EDA: variants seen among roughly 807,000 people sequenced by gnomAD.
EDA encodes ectodysplasin-A.
A neutral mutation model predicts 23.6 loss-of-function variants in EDA; 2 were observed. That is an observed-to-expected ratio of 0.08 (90% CI 0.03 to 0.27). The LOEUF is 0.27. EDA is among the 10% of genes least tolerant of loss of function. EDA has a pLI of 1.00. For synonymous variants in EDA, 131 were observed against 132.0 expected (o/e 0.99, Z 0.05); for missense variants, 229 against 324.2 (o/e 0.71, Z 2.26).
chrX:69,631,368 C>T (rs1367706395), intron 1 of EDA, among the ~76,000 whole-genome samples: 3 of 92,145 alleles, frequency 3.3e-5, no homozygotes, highest in Non-Finnish European at 4.2e-5. Context: ...GGTGACAGAG[C>T]GAGACTCCGT....
chrX:69,854,766 A>G (rs1458371780), intron 1 of EDA, among the ~76,000 whole-genome samples: 1 of 112,018 alleles, frequency 8.9e-6, no homozygotes. Context: ...TGCAATGAAC[A>G]TACGCATGCA....
At chrX:69,975,833 AT>A (rs1013101068) in intron 2 of EDA, among the ~76,000 whole-genome samples, 19 of 112,019 alleles carry the variant, frequency 1.7e-4, no homozygotes, top group Admixed American at 5.7e-4. Flanking sequence ...CATAAAAAAA[AT>A]CTATTAAAAA....
chrX:69,878,695 C>T (rs1325833990), intron 1 of EDA, among the ~76,000 whole-genome samples: 3 of 100,279 alleles, frequency 3.0e-5, no homozygotes, highest in Non-Finnish European at 5.9e-5. Flanking sequence ...GGTGAAAATA[C>T]AGCCCCTCAC....
At chrX:69,848,875 T>C (rs1271121783) in intron 1 of EDA, among the ~76,000 whole-genome samples, 2 of 110,863 alleles carry the variant, frequency 1.8e-5, no homozygotes, top group Admixed American at 9.7e-5. Context: ...CATATGTGAG[T>C]CCTACTCCAT....
intron 1 of EDA, among the ~76,000 whole-genome samples, chrX:69,624,912 C>T (rs1265199653): frequency 9.1e-6 from 1 of 109,965 alleles, no homozygotes; most frequent in African/African-American, 3.3e-5. Flanking sequence ...TATAGTATTG[C>T]ATTACTTTGT....
chrX:69,881,764 G>C (rs1288887024), intron 1 of EDA, among the ~76,000 whole-genome samples: 1 of 112,115 alleles, frequency 8.9e-6, no homozygotes. Flanking sequence ...ACCCACATCT[G>C]CTCGGCTTCT....
At chrX:69,880,649 A>G (rs988484814) in intron 1 of EDA, among the ~76,000 whole-genome samples, 1 of 112,257 alleles carries the variant, frequency 8.9e-6, no homozygotes, top group Non-Finnish European at 1.9e-5. Context: ...TAGCTGAATT[A>G]TAGCATTTTG....
chrX:69,962,581 G>A (rs770001649), intron 2 of EDA, among the ~76,000 whole-genome samples: 5 of 111,026 alleles, frequency 4.5e-5, no homozygotes, highest in South Asian at 3.9e-4. Flanking sequence ...ACAGGCACCC[G>A]CCACCACACC....
intron 1 of EDA, among the ~76,000 whole-genome samples, chrX:69,770,665 G>T (rs1273081553): frequency 9.0e-6 from 1 of 111,205 alleles, no homozygotes; most frequent in Non-Finnish European, 1.9e-5. Context: ...TTTTCTCCCA[G>T]TGTGTAGCTT....
intron 1 of EDA, among the ~76,000 whole-genome samples, chrX:69,669,138 A>G (rs1454016140): frequency 9.1e-6 from 1 of 110,369 alleles, no homozygotes; most frequent in African/African-American, 3.3e-5. Flanking sequence ...AGCTTTTCCC[A>G]TTCCTTTGCT....
chrX:69,885,655 T>C (rs1490735377), intron 1 of EDA, among the ~76,000 whole-genome samples: 1 of 111,821 alleles, frequency 8.9e-6, no homozygotes, highest in Non-Finnish European at 1.9e-5. Flanking sequence ...AGCCTTGGAA[T>C]TCAGGTACAA....
intron 1 of EDA, among the ~76,000 whole-genome samples, chrX:69,712,842 G>A (rs1406268098): frequency 9.0e-6 from 1 of 111,119 alleles, no homozygotes; most frequent in East Asian, 2.8e-4. Context: ...CTGGATTAAG[G>A]AAATGTGCCA....
chrX:69,798,438 T>C (rs1045772801), intron 1 of EDA, among the ~76,000 whole-genome samples: 4 of 111,212 alleles, frequency 3.6e-5, no homozygotes, highest in Non-Finnish European at 7.6e-5. Flanking sequence ...CTCAACAAAT[T>C]TTTAAAAATT....
At chrX:69,945,878 C>T (rs1374148709) in intron 1 of EDA, among the ~76,000 whole-genome samples, 1 of 111,891 alleles carries the variant, frequency 8.9e-6, no homozygotes, top group Non-Finnish European at 1.9e-5. Flanking sequence ...ACATTTGTCT[C>T]TCAGTTTTAC....
intron 1 of EDA, among the ~76,000 whole-genome samples, chrX:69,791,791 G>A (rs1334309123): frequency 9.1e-6 from 1 of 110,013 alleles, no homozygotes; most frequent in Non-Finnish European, 1.9e-5. Flanking sequence ...TTACAGGCAC[G>A]TGCCACCACA....
chrX:69,877,127 C>A (rs2017658584), intron 1 of EDA, among the ~76,000 whole-genome samples: 1 of 111,903 alleles, frequency 8.9e-6, no homozygotes, highest in African/African-American at 3.3e-5. Flanking sequence ...CTGAGACCAG[C>A]CTGAGCCCAT....
At chrX:69,675,404 T>C (rs954654156) in intron 1 of EDA, among the ~76,000 whole-genome samples, 2 of 111,800 alleles carry the variant, frequency 1.8e-5, no homozygotes. Context: ...TCATCGTGTC[T>C]AAAAATGAAT....
At chrX:69,826,334 A>C (rs1483882894) in intron 1 of EDA, among the ~76,000 whole-genome samples, 4 of 109,797 alleles carry the variant, frequency 3.6e-5, no homozygotes, top group Non-Finnish European at 7.6e-5. Context: ...GTGGGAGTCT[A>C]AGTCTCTTTG....
intron 1 of EDA, among the ~76,000 whole-genome samples, chrX:69,773,230 A>G (rs1433621288): frequency 8.9e-6 from 1 of 112,593 alleles, no homozygotes; most frequent in African/African-American, 3.2e-5. Context: ...TATAGCTTGT[A>G]TCAGAAAGTC....
Sources: allele counts gnomAD v4.1 joint callset (sites outside exome capture counted in the v4.1 genomes callset), GRCh38; gene constraint gnomAD v4.1.1; transcripts MANE v1.5; gene names NCBI Gene and HGNC (gene_info 2026-07-23, HGNC 2026-07-21).